The following KCNMA1 variants were observed in gnomAD, a reference collection of about 807,000 sequenced individuals.
KCNMA1 encodes the protein Calcium-activated potassium channel subunit alpha-1.
In KCNMA1, 29 loss-of-function variants were observed where a neutral mutation model predicts 140.0. The ratio of observed to expected loss-of-function variants is 0.21; its 90% CI spans 0.15 to 0.28. The LOEUF is 0.28. Among genes scored for constraint, KCNMA1 ranks in the 10% least tolerant of loss-of-function variants. KCNMA1 has a pLI of 1.00. For synonymous variants in KCNMA1, 612 were observed against 611.9 expected (o/e 1.00, Z 0.00); for missense variants, 880 against 1,602.2 (o/e 0.55, Z 7.70).
At chr10:77,276,768 C>T (rs2003194) in intron 2 of KCNMA1, among the ~76,000 whole-genome samples, 89,947 of 151,972 alleles carry the variant, frequency 0.59, 28,193 homozygotes, top group African/African-American at 0.8. Context: ...AAACACACTA[C>T]ATAACCTATC....
At chr10:77,598,049 G>A (rs1029242847) in intron 1 of KCNMA1, among the ~76,000 whole-genome samples, 6 of 152,114 alleles carry the variant, frequency 3.9e-5, no homozygotes, top group African/African-American at 1.2e-4. Flanking sequence ...TCGGTTCACT[G>A]CAACCTCCGC....
intron 1 of KCNMA1, among the ~76,000 whole-genome samples, chr10:77,505,880 G>A (rs764512106): frequency 1.3e-5 from 2 of 152,130 alleles, no homozygotes; most frequent in African/African-American, 2.4e-5. Flanking sequence ...ACAGAGTCAC[G>A]AGACCAGCTG....
At chr10:77,419,137 G>T (rs1431896473) in intron 1 of KCNMA1, among the ~76,000 whole-genome samples, 1 of 152,188 alleles carries the variant, frequency 6.6e-6, no homozygotes. Context: ...CTGCACTGAG[G>T]TGGGGTGGCA....
chr10:77,478,428 C>T (rs1222356122), intron 1 of KCNMA1, among the ~76,000 whole-genome samples: 2 of 152,204 alleles, frequency 1.3e-5, no homozygotes, highest in Non-Finnish European at 2.9e-5. Flanking sequence ...GCTCCAAACA[C>T]AAACAGCCCT....
Position 77,382,636 on chromosome 10 carries a change from G to C in KCNMA1, c.540+21226C>G, listed in dbSNP as rs369459785. 2.1e-4 allele frequency among the ~76,000 whole-genome samples: 32 copies of C among 151,976 alleles called. No individual in the cohort carries two copies. In the East Asian group the frequency reaches 5.4e-3, roughly 26 times the overall value. On this transcript the variant is annotated intron_variant, in intron 2 of 27. Coordinates refer to ENST00000286628, the MANE Select transcript of KCNMA1 (RefSeq NM_001161352.2). ...TCCCAGCACTTTGGGAGGCCAAGGC[G>C]GGTGGATCACCTGAGGTCAGGAGTT...
intron 1 of KCNMA1, among the ~76,000 whole-genome samples, chr10:77,625,241 C>T (rs1276792552): frequency 3.9e-5 from 6 of 151,914 alleles, no homozygotes; most frequent in Non-Finnish European, 8.8e-5. Context: ...GTTAGCTGGG[C>T]GTGGTGGTGG....
At chr10:77,497,746 C>T (rs1389145167) in intron 1 of KCNMA1, among the ~76,000 whole-genome samples, 2 of 152,198 alleles carry the variant, frequency 1.3e-5, no homozygotes, top group Non-Finnish European at 2.9e-5. Flanking sequence ...GCTCCCAGTC[C>T]TCTTCTCCTA....
intron 1 of KCNMA1, among the ~76,000 whole-genome samples, chr10:77,590,344 C>T (rs1411403872): frequency 2.6e-5 from 4 of 152,170 alleles, no homozygotes; most frequent in Non-Finnish European, 4.4e-5. Context: ...CGGCGCTCCT[C>T]GGGGAGGCTC....
At chr10:76,952,454 A>C (rs146053474) in intron 21 of KCNMA1, among the ~76,000 whole-genome samples, 440 of 152,324 alleles carry the variant, frequency 2.9e-3, no homozygotes, top group Middle Eastern at 0.01. Flanking sequence ...TGGGAGGCAG[A>C]TGTTTCAGTG....
chr10:77,633,784 C>T (rs1194528156), intron 1 of KCNMA1, among the ~76,000 whole-genome samples: 2 of 152,208 alleles, frequency 1.3e-5, no homozygotes, highest in Non-Finnish European at 1.5e-5. Context: ...TAACTCTATG[C>T]CCAGCCACAC....
At chr10:77,506,621 T>TGTGTGTG (rs1567212159) in intron 1 of KCNMA1, among the ~76,000 whole-genome samples, 22 of 53,994 alleles carry the variant, frequency 4.1e-4, no homozygotes, top group East Asian at 3.3e-3. Flanking sequence ...GTGTGTGTGT[T>TGTGTGTG]AGAGAGGGAG....
chr10:76,915,220 G>A (rs1174077406), intron 23 of KCNMA1, among the ~76,000 whole-genome samples, 171 bp from the exon 24 acceptor site: 4 of 152,170 alleles, frequency 2.6e-5, no homozygotes, highest in Non-Finnish European at 4.4e-5. Flanking sequence ...TAGAAGGACA[G>A]GGTAGGAAAC....
intron 3 of KCNMA1, among the ~76,000 whole-genome samples, chr10:77,225,125 A>G (rs1175861779): frequency 6.6e-6 from 1 of 152,164 alleles, no homozygotes; most frequent in African/African-American, 2.4e-5. Context: ...GGTGATGGTT[A>G]CCTTACAGAC....
intron 1 of KCNMA1, among the ~76,000 whole-genome samples, chr10:77,528,646 AG>A (rs2056664222): frequency 7.1e-6 from 1 of 141,794 alleles, no homozygotes; most frequent in Non-Finnish European, 1.5e-5. Context: ...TACCAACAAA[AG>A]CTCGTACACA....
chr10:77,080,610 G>A (rs893179460), intron 12 of KCNMA1, among the ~76,000 whole-genome samples: 5 of 152,082 alleles, frequency 3.3e-5, no homozygotes, highest in Non-Finnish European at 7.4e-5. Context: ...AAAATTTGAG[G>A]GCCCCTTGGA....
chr10:76,964,459 T>A (rs1222771994), intron 20 of KCNMA1, among the ~76,000 whole-genome samples: 1 of 152,162 alleles, frequency 6.6e-6, no homozygotes, highest in Non-Finnish European at 1.5e-5. Flanking sequence ...CTGCTGAGCA[T>A]GAACTTGTCC....
intron 1 of KCNMA1, among the ~76,000 whole-genome samples, chr10:77,591,033 C>T (rs565184520): frequency 1.6e-3 from 251 of 152,272 alleles, no homozygotes; most frequent in African/African-American, 5.8e-3. Context: ...TCATATGGTG[C>T]CAGCAGACAG....
chr10:77,101,703 C>T (rs1195494090), intron 9 of KCNMA1, among the ~76,000 whole-genome samples: 1 of 152,106 alleles, frequency 6.6e-6, no homozygotes, highest in Non-Finnish European at 1.5e-5. Flanking sequence ...CACATTTCGA[C>T]CAGAGCCATG....
chr10:77,427,534 GCTAACACCTCACAAGGGCCTT>G (rs201961963), intron 1 of KCNMA1, among the ~76,000 whole-genome samples: 2,950 of 152,242 alleles, frequency 0.019, 49 homozygotes, highest in Non-Finnish European at 0.031. Context: ...GGAGGTCTTT[GCTAACACCTCACAAGGGCCTT>G]CCCTCCCCTC....
Sources: gnomAD v4.1 joint callset for allele counts (sites outside exome capture counted in the v4.1 genomes callset) on GRCh38, gnomAD v4.1.1 for gene constraint, MANE v1.5 for transcripts, NCBI Gene and HGNC (gene_info 2026-07-23, HGNC 2026-07-21) for gene names.